TRPM8: variants seen among roughly 807,000 people sequenced by gnomAD.
The protein encoded by TRPM8 is transient receptor potential cation channel subfamily M member 8.
TRPM8 carries 110 observed loss-of-function variants against 133.7 expected under a neutral mutation model. The ratio of observed to expected loss-of-function variants is 0.82; its 90% CI spans 0.70 to 0.96. TRPM8 has a LOEUF of 0.96. Ranked by LOEUF, TRPM8 falls within the 40% of genes least tolerant of loss-of-function variation. The pLI, the probability that TRPM8 is intolerant of heterozygous loss-of-function variation, is 0.00. For missense variants in TRPM8, 1,291 were observed against 1,379.5 expected, an observed-to-expected ratio of 0.94 and a Z score of 1.02; for synonymous variants, 535 against 532.3, an observed-to-expected ratio of 1.01 and a Z score of -0.07.
At chr2:233,962,634 G>T (rs1260525710) in intron 12 of TRPM8, among the ~76,000 whole-genome samples, 1 of 152,210 alleles carries the variant, frequency 6.6e-6, no homozygotes, top group Non-Finnish European at 1.5e-5. Flanking sequence ...AATTGGAAGT[G>T]TTTAGGGAGC....
In TRPM8 at chr2:233,979,510, T is replaced by C. The variant is rs148386299; in HGVS notation, c.2356-678T>C. 9.2e-5 allele frequency among the ~76,000 whole-genome samples: 14 copies of C among 152,338 alleles called. No homozygotes were observed. In the East Asian group the frequency reaches 2.7e-3, roughly 30 times the overall value. On this transcript the variant is annotated intron_variant, in intron 17 of 25. Coordinates refer to ENST00000324695, the MANE Select transcript of TRPM8 (RefSeq NM_024080.5). ...TGGATTGATTTAGGAGTCATCCAGA[T>C]GTGGTCTTCTCCTTTCCCTCTTCGG...
chr2:233,963,635 A>G (rs530558357), intron 13 of TRPM8, among the ~76,000 whole-genome samples: 1 of 152,282 alleles, frequency 6.6e-6, no homozygotes, highest in East Asian at 1.9e-4. Context: ...TTGTTTTCCA[A>G]GTGGAAAAGG....
chr2:233,973,397 G>A (rs1056028308), intron 17 of TRPM8, among the ~76,000 whole-genome samples: 1 of 152,138 alleles, frequency 6.6e-6, no homozygotes, highest in Non-Finnish European at 1.5e-5. Context: ...GCTTTTGGCG[G>A]CCAGCTGGCA....
In TRPM8 at chr2:233,917,449, T is replaced by C. The variant is rs199640166; in HGVS notation, c.-6+17T>C. ...TCACTTAGGGTATGTCATCAACTTT[T>C]GCTTTTTGCTTCTCCTTAAATGTTG... On this transcript the variant is annotated intron_variant, in intron 1 of 25. Coordinates refer to ENST00000324695, the MANE Select transcript of TRPM8 (RefSeq NM_024080.5). 1 of 152,238 alleles carries C rather than the reference T, an allele frequency of 6.6e-6. No individual in the cohort carries two copies. The highest frequency in any genetic ancestry group is 1.5e-5 in the Non-Finnish European group (1 of 68,038). 9.4% of individuals were successfully genotyped at this position (152,238 alleles called of 1,614,324 possible). A position where few individuals can be genotyped will look rare whatever the true frequency, so the allele number is the denominator to read the frequency against.
intron 2 of TRPM8, among the ~76,000 whole-genome samples, chr2:233,927,858 TTC>T (rs374196113): frequency 0.11 from 4,858 of 43,934 alleles, 924 homozygotes; most frequent in Non-Finnish European, 0.13. Context: ...CTTCCTTTCT[TTC>T]TCTTTCTTTC....
At chr2:233,921,156 C>A (rs898967128) in intron 1 of TRPM8, among the ~76,000 whole-genome samples, 1 of 152,116 alleles carries the variant, frequency 6.6e-6, no homozygotes, top group South Asian at 2.1e-4. Context: ...CTACCACGCC[C>A]GGCCCCAGAT....
chr2:233,995,163 A>G (rs1692372659), intron 21 of TRPM8, among the ~76,000 whole-genome samples: 2 of 152,202 alleles, frequency 1.3e-5, no homozygotes, highest in African/African-American at 2.4e-5. Flanking sequence ...GACTCAGACA[A>G]TTCACTTACC....
intron 6 of TRPM8, among the ~76,000 whole-genome samples, chr2:233,944,470 C>CTA (rs919351453): frequency 6.6e-6 from 1 of 152,148 alleles, no homozygotes; most frequent in Non-Finnish European, 1.5e-5. Context: ...CAAAGTCTCC[C>CTA]TAGAGGCTGT....
In TRPM8 at chr2:233,933,137, C is replaced by G. The variant is rs200817044; in HGVS notation, c.191+2396C>G. On this transcript the variant is annotated intron_variant, in intron 3 of 25. Coordinates refer to ENST00000324695, the MANE Select transcript of TRPM8 (RefSeq NM_024080.5). ...GTAAGCTCCTAGGTCTGGTTTTGCT[C>G]TAGTCACTTCTCACTTCCTTGGCCA... Among the ~76,000 whole-genome samples, 4 of 151,994 alleles carry G rather than the reference C, an allele frequency of 2.6e-5. No homozygotes were observed. The East Asian group carries it at 7.7e-4, about 29-fold the overall frequency.
intron 17 of TRPM8, among the ~76,000 whole-genome samples, chr2:233,975,875 C>T (rs1016396674): frequency 7.0e-6 from 1 of 142,384 alleles, no homozygotes; most frequent in Non-Finnish European, 1.6e-5. Context: ...GAGTGAGACT[C>T]CACCTCAAAC....
intron 21 of TRPM8, among the ~76,000 whole-genome samples, chr2:233,990,475 A>G (rs151300990): frequency 5.5e-4 from 83 of 152,278 alleles, no homozygotes; most frequent in African/African-American, 1.9e-3. Context: ...TGTTGCTATT[A>G]AGCATGTTAG....
chr2:233,939,827 G>T lies in TRPM8; in HGVS notation c.526+652G>T, dbSNP rs370690079. Among the ~76,000 whole-genome samples, 6 of 152,174 alleles carry T rather than the reference G, an allele frequency of 3.9e-5. No individual in the cohort carries two copies. The East Asian group carries it at 1.2e-3, about 29-fold the overall frequency. On this transcript the variant is annotated intron_variant, in intron 5 of 25. Transcript: ENST00000324695. ...TGGGGGGAACCGTTGAAAGCAGGTT[G>T]CAGGAATCATGATCCTTAACCCCCT... is the stretch of plus-strand genomic sequence containing the variant.
intron 21 of TRPM8, 75 bp from the exon 22 acceptor site, chr2:233,996,251 C>T: frequency 1.5e-6 from 2 of 1,370,696 alleles, no homozygotes; most frequent in South Asian, 2.6e-5. Context: ...CTTAATACCA[C>T]TATTACCATA....
Position 233,964,628 on chromosome 2 carries a change from A to G in TRPM8, c.1750A>G (p.Thr584Ala). The G allele has an allele frequency of 6.3e-7, 1 of 1,577,004 alleles. No individual in the cohort carries two copies. Among genetic ancestry groups the G allele is most frequent in the South Asian group, 1.2e-5 (1 of 85,686 alleles). Residue 584 changes from threonine to alanine, a missense_variant and splice_region_variant, in exon 14 of 26, where the codon ACC (threonine) becomes GCC (alanine). Thr to Ala is a moderately conservative substitution (Grantham distance 58). Around this residue, in one of 2 missense-constraint regions of TRPM8, gnomAD observed 963 missense variants for 968.9 expected, o/e 0.99. Transcript: ENST00000324695. ...TAAAATTCTTCACCCCCCTAAAAAG[A>G]CCAGGGGCTGCACTCTGGCAGCCCT... Reference protein sequence around the residue: ...KELSKVIWEQTRGCTLAALGA... With the variant: ...KELSKVIWEQARGCTLAALGA...
chr2:233,965,397 C>A (rs1263599199), intron 14 of TRPM8, among the ~76,000 whole-genome samples: 3 of 152,224 alleles, frequency 2.0e-5, no homozygotes, highest in Admixed American at 2.0e-4. Context: ...GCTCTCCTGG[C>A]ATGTCTCAGG....
chr2:233,969,384 G>A (rs751266763), intron 15 of TRPM8, among the ~76,000 whole-genome samples: 3 of 152,118 alleles, frequency 2.0e-5, no homozygotes, highest in Non-Finnish European at 4.4e-5. Flanking sequence ...CTACTCGGGA[G>A]GCTGAGGCAG....
chr2:233,980,184 G>C lies in TRPM8; in HGVS notation c.2356-4G>C. On this transcript the variant is annotated splice_polypyrimidine_tract_variant and splice_region_variant and intron_variant, in intron 17 of 25. Transcript: ENST00000324695. ...TGTCCCTCTCTGTCCCTTTCTGTAC[G>C]CAGTGGTACGTAAATGGGGTGAATT... 1.3e-6 allele frequency: 2 copies of C among 1,591,328 alleles called. No individual in the cohort carries two copies. Among genetic ancestry groups the C allele is most frequent in the Non-Finnish European group, 1.7e-6 (2 of 1,166,288 alleles).
chr2:233,931,148 C>T (rs1691672155), intron 3 of TRPM8, among the ~76,000 whole-genome samples: 1 of 152,122 alleles, frequency 6.6e-6, no homozygotes, highest in Admixed American at 6.5e-5. Context: ...TAGGTCTTTC[C>T]TTCTAATTGA....
chr2:233,962,374 C>T (rs181549134), intron 12 of TRPM8, among the ~76,000 whole-genome samples: 5 of 152,290 alleles, frequency 3.3e-5, no homozygotes, highest in African/African-American at 1.2e-4. Context: ...GGGCTAATCT[C>T]TAGTTATCCA....
Sources: allele counts gnomAD v4.1 joint callset (sites outside exome capture counted in the v4.1 genomes callset), GRCh38; gene constraint gnomAD v4.1.1; regional missense constraint gnomAD v4.1.1; transcripts MANE v1.5; gene names NCBI Gene and HGNC (gene_info 2026-07-23, HGNC 2026-07-21).